NF2: variants seen among roughly 807,000 people sequenced by gnomAD.
NF2 encodes merlin.
A neutral mutation model predicts 83.7 loss-of-function variants in NF2; 8 were observed. That is an observed-to-expected ratio of 0.10 (90% CI 0.06 to 0.17). The LOEUF (loss-of-function observed/expected upper bound fraction) is 0.17, where lower values mean the gene tolerates loss of function less well. Among genes scored for constraint, NF2 ranks in the 10% least tolerant of loss-of-function variants. The pLI is 1.00. For synonymous variants in NF2, 266 were observed against 269.6 expected, an observed-to-expected ratio of 0.99 and a Z score of 0.13; for missense variants, 533 against 744.4, an observed-to-expected ratio of 0.72 and a Z score of 3.31.
In NF2 at chr22:29,697,566, CTTTTT is replaced by C. The variant is rs113760386; in HGVS notation, c.*2776_*2780del. 5.0e-5 allele frequency: 8 copies of C among 158,910 alleles called. No individual in the cohort carries two copies. The highest frequency in any genetic ancestry group is 8.1e-5 in the Non-Finnish European group (6 of 74,496). The allele number at this position is 158,910 out of a possible 1,614,324, so 9.8% of individuals were successfully genotyped here. The stretch of plus-strand genomic sequence containing the variant: ...TTCCTGTGGCTGGGATGACTGCATC[CTTTTT>C]TTTTTTTTTTTGAGACGGAGTTTTT... On this transcript the variant is annotated 3_prime_UTR_variant, in exon 16 of 16. Coordinates refer to ENST00000338641, the MANE Select transcript of NF2 (RefSeq NM_000268.4).
At chr22:29,608,064 G>A (rs971333885) in intron 1 of NF2, among the ~76,000 whole-genome samples, 8 of 149,324 alleles carry the variant, frequency 5.4e-5, no homozygotes, top group African/African-American at 9.8e-5. Flanking sequence ...TCCCAGCTAC[G>A]CGGGAGGCTG....
At chr22:29,635,709 A>G (rs902539009) in intron 1 of NF2, among the ~76,000 whole-genome samples, 1 of 152,170 alleles carries the variant, frequency 6.6e-6, no homozygotes, top group African/African-American at 2.4e-5. Context: ...TAATGAGGGC[A>G]GGAAGGGACG....
chr22:29,635,232 C>T (rs773027786), intron 1 of NF2, among the ~76,000 whole-genome samples: 1 of 152,180 alleles, frequency 6.6e-6, no homozygotes, highest in African/African-American at 2.4e-5. Flanking sequence ...CTTGAAAACT[C>T]CCCTGTAGAA....
intron 8 of NF2, among the ~76,000 whole-genome samples, chr22:29,661,679 T>C (rs990926874): frequency 1.3e-5 from 2 of 152,218 alleles, no homozygotes; most frequent in African/African-American, 4.8e-5. Context: ...CAGGATTTCA[T>C]TATGCATGCC....
At chr22:29,690,941 T>G (rs1412905795) in intron 15 of NF2, among the ~76,000 whole-genome samples, 1 of 152,214 alleles carries the variant, frequency 6.6e-6, no homozygotes, top group Non-Finnish European at 1.5e-5. Context: ...AGTGAAAGTT[T>G]TGAAGGACAG....
In NF2 at chr22:29,639,151, A is replaced by T. The variant is rs1240469044; in HGVS notation, c.302A>T (p.Tyr101Phe). The T allele has an allele frequency of 6.2e-7, 1 of 1,614,204 alleles. No homozygotes were observed. Among genetic ancestry groups the T allele is most frequent in the Non-Finnish European group, 8.5e-7 (1 of 1,180,028 alleles). The stretch of plus-strand genomic sequence containing the variant: ...ACCTTTCACTTCTTGGCCAAATTTT[A>T]TCCTGAGAATGCTGAAGAGGAGCTG... ...PVTFHFLAKF[Y>F]PENAEEELVQ... is the part of the protein sequence containing the mutation. Residue 101 changes from tyrosine (Y) to phenylalanine (F), a missense_variant, in exon 3 of 16, where the codon TAT becomes TTT. Physicochemically the swap from Tyr to Phe is conservative, Grantham distance 22. Transcript: ENST00000338641.
intron 7 of NF2, among the ~76,000 whole-genome samples, chr22:29,659,235 A>G (rs904839625): frequency 3.3e-5 from 5 of 152,198 alleles, no homozygotes; most frequent in Admixed American, 3.3e-4. Context: ...AACTAATGTA[A>G]CACATTTCTG....
intron 4 of NF2, among the ~76,000 whole-genome samples, chr22:29,644,803 T>C (rs9808872): frequency 2.6e-5 from 4 of 152,124 alleles, no homozygotes; most frequent in African/African-American, 7.2e-5. Context: ...CGCCTGCAAT[T>C]GCAGGCACTC....
rs1329458411 is a variant in NF2, at chr22:29,668,234, C to G, written c.886-99C>G. ...TATGCATTCATCTTCACGTTTACTG[C>G]TACCTGCAAGAGCTCAAACTGCTAT... On this transcript the variant is annotated intron_variant, in intron 9 of 15. Coordinates refer to ENST00000338641, the MANE Select transcript of NF2 (RefSeq NM_000268.4). The G allele has an allele frequency of 1.3e-5, 11 of 826,640 alleles. No individual in the cohort carries two copies. In the East Asian group the frequency reaches 2.8e-4, roughly 21 times the overall value. 51.2% of individuals were successfully genotyped at this position (826,640 alleles called of 1,614,324 possible). A position where few individuals can be genotyped will look rare whatever the true frequency, so the allele number is the denominator to read the frequency against.
rs1046445133 is a variant in NF2 at position 29,610,028 on chromosome 22, ATAAT to A, written c.114+5919_114+5922del. 7.4e-4 allele frequency among the ~76,000 whole-genome samples: 89 copies of A among 120,582 alleles called. 1 individual carries two copies. In the East Asian group the frequency reaches 0.012, roughly 17 times the overall value. The allele number at this position is 120,582 out of a possible 152,430, so 79.1% of individuals were successfully genotyped here. On this transcript the variant is annotated intron_variant, in intron 1 of 15. Coordinates refer to ENST00000338641, the MANE Select transcript of NF2 (RefSeq NM_000268.4). ...TAGTATACCCTTAAAAAATAAATAA[ATAAT>A]TAGAGAGAGAGAGAGAGAGAGAGAC... is the stretch of plus-strand genomic sequence containing the variant.
chr22:29,656,104 A>T (rs1230695585), intron 6 of NF2, among the ~76,000 whole-genome samples: 1 of 151,292 alleles, frequency 6.6e-6, no homozygotes, highest in African/African-American at 2.4e-5. Flanking sequence ...ATGCCCAGCT[A>T]GTTTTTCTAT....
At chr22:29,655,508 A>G in intron 5 of NF2, 86 bp from the exon 6 acceptor site, 1 of 980,660 alleles carries the variant, frequency 1.0e-6, no homozygotes, top group Non-Finnish European at 1.6e-6. Context: ...ACTGTTTTGT[A>G]AAAATGATGC....
rs2147122923 is a variant in NF2 at position 29,681,506 on chromosome 22, G to A, written c.1642G>A (p.Ala548Thr). 6.2e-7 allele frequency: 1 copy of A among 1,614,162 alleles called. No individual in the cohort carries two copies. The highest frequency in any genetic ancestry group is 2.2e-5 in the East Asian group (1 of 44,878). Residue 548 changes from alanine to threonine, a missense_variant, in exon 15 of 16, where the codon GCC becomes ACC. Coordinates refer to ENST00000338641, the MANE Select transcript of NF2 (RefSeq NM_000268.4). ...QLNELKTEIEALKLKERETAL... is the reference protein window; with the variant it reads ...QLNELKTEIETLKLKERETAL... ...CAATGAACTCAAGACAGAAATCGAG[G>A]CCTTGAAACTGAAAGAGAGGGAGAC...
intron 1 of NF2, among the ~76,000 whole-genome samples, chr22:29,614,300 G>A (rs929362740): frequency 1.3e-5 from 2 of 151,226 alleles, no homozygotes; most frequent in South Asian, 2.1e-4. Flanking sequence ...AAAGTAGGCC[G>A]GGTGCGGTGG....
At chr22:29,656,353 A>G (rs567575487) in intron 6 of NF2, among the ~76,000 whole-genome samples, 130 of 150,298 alleles carry the variant, frequency 8.6e-4, no homozygotes, top group African/African-American at 3.1e-3. Context: ...AAATTTCTGC[A>G]GTGCACAATC....
intron 4 of NF2, among the ~76,000 whole-genome samples, chr22:29,643,275 C>T (rs987367709): frequency 1.3e-5 from 2 of 151,618 alleles, no homozygotes; most frequent in Admixed American, 1.3e-4. Flanking sequence ...GTCACCATGC[C>T]TGGTCTTACT....
At chr22:29,608,948 C>T in intron 1 of NF2, 1 of 596,446 alleles carries the variant, frequency 1.7e-6, no homozygotes, top group Non-Finnish European at 3.1e-6. Flanking sequence ...TGCTACCTGG[C>T]CAATTTAGGG....
At chr22:29,624,799 C>CTCTTTCTTTCTTTCTATCTT (rs1555983529) in intron 1 of NF2, among the ~76,000 whole-genome samples, 4 of 116,636 alleles carry the variant, frequency 3.4e-5, no homozygotes, top group African/African-American at 1.3e-4. Context: ...TTGAAGGGTC[C>CTCTTTCTTTCTTTCTATCTT]TCTTTCTTTC....
chr22:29,629,788 C>G (rs1012941228), intron 1 of NF2, among the ~76,000 whole-genome samples: 1 of 152,236 alleles, frequency 6.6e-6, no homozygotes, highest in African/African-American at 2.4e-5. Context: ...AAACGGCATT[C>G]TTCGTGTGGC....
Sources: allele counts gnomAD v4.1 joint callset (sites outside exome capture counted in the v4.1 genomes callset), GRCh38; gene constraint gnomAD v4.1.1; transcripts MANE v1.5; gene names NCBI Gene and HGNC (gene_info 2026-07-23, HGNC 2026-07-21).